SHTN1: variants seen among roughly 807,000 people sequenced by gnomAD.
SHTN1 encodes the protein shootin-1.
A neutral mutation model predicts 83.1 loss-of-function variants in SHTN1; 42 were observed. The ratio of observed to expected loss-of-function variants is 0.51; its 90% CI spans 0.39 to 0.65. The LOEUF (loss-of-function observed/expected upper bound fraction) is 0.65. Among genes scored for constraint, SHTN1 ranks in the 30% least tolerant of loss-of-function variants. The pLI is 0.00. For synonymous variants in SHTN1, 224 were observed against 247.7 expected (o/e 0.90, Z 0.90); for missense variants, 622 against 737.8 (o/e 0.84, Z 1.82).
chr10:116,893,349 C>T (rs1028594863), intron 16 of SHTN1, among the ~76,000 whole-genome samples: 1 of 152,142 alleles, frequency 6.6e-6, no homozygotes, highest in Non-Finnish European at 1.5e-5. Context: ...ACCTTTGTAG[C>T]AGCGCTTTGC....
In SHTN1 at chr10:117,073,994, G is replaced by C. The variant is rs189029531; in HGVS notation, c.-188-25484C>G. Among the ~76,000 whole-genome samples the C allele has an allele frequency of 1.2e-3, 184 of 152,232 alleles. 1 individual carries two copies. Among genetic ancestry groups the C allele is most frequent in the Non-Finnish European group, 1.1e-3 (77 of 68,018 alleles). The stretch of plus-strand genomic sequence containing the variant: ...AATATATGAGACTTTTTTGAATGGG[G>C]CAGGGGCAGAGGCAGCACTAGGTGT... On this transcript the variant is annotated intron_variant, in intron 1 of 17. Coordinates refer to the SHTN1 transcript ENST00000392901.
chr10:116,998,024 G>A (rs1015984415), intron 1 of SHTN1, among the ~76,000 whole-genome samples: 3 of 152,122 alleles, frequency 2.0e-5, no homozygotes, highest in East Asian at 1.9e-4. Flanking sequence ...CCTGGGAGGC[G>A]GAGCTTGCAG....
chr10:117,098,653 G>A (rs1267247902), intron 1 of SHTN1, among the ~76,000 whole-genome samples: 1 of 152,006 alleles, frequency 6.6e-6, no homozygotes, highest in Non-Finnish European at 1.5e-5. Context: ...TATGAGCATC[G>A]AACATGATCA....
chr10:116,981,447 G>A (rs117888403), intron 1 of SHTN1, among the ~76,000 whole-genome samples: 4,932 of 152,204 alleles, frequency 0.032, 99 homozygotes, highest in Non-Finnish European at 0.047. Flanking sequence ...AAACTAAATT[G>A]TCTTTGGAGC....
At chr10:116,955,952 T>C (rs954825037) in intron 4 of SHTN1, among the ~76,000 whole-genome samples, 2 of 152,172 alleles carry the variant, frequency 1.3e-5, no homozygotes, top group East Asian at 1.9e-4. Flanking sequence ...AAAATTCAGA[T>C]AAAAACTGTT....
chr10:117,070,643 G>A (rs1021289757), intron 1 of SHTN1, among the ~76,000 whole-genome samples: 2 of 151,358 alleles, frequency 1.3e-5, no homozygotes, highest in African/African-American at 2.4e-5. Context: ...GAAGAAGCAC[G>A]CAGGGCTACT....
At chr10:116,971,593 C>A (rs1284127000) in intron 2 of SHTN1, among the ~76,000 whole-genome samples, 7 of 152,166 alleles carry the variant, frequency 4.6e-5, no homozygotes, top group Non-Finnish European at 8.8e-5. Context: ...ACCAGTCTGT[C>A]TACCTTCCTC....
At chr10:116,931,162 C>T (rs577388649) in intron 9 of SHTN1, among the ~76,000 whole-genome samples, 28 of 146,742 alleles carry the variant, frequency 1.9e-4, no homozygotes, top group East Asian at 1.2e-3. Flanking sequence ...GAAAGGCTTT[C>T]GATTCAGTAA....
rs1417621744 is a variant in SHTN1 at position 116,906,664 on chromosome 10, C to A, written c.1443G>T (p.Leu481Phe). 2.5e-6 allele frequency: 4 copies of A among 1,613,412 alleles called. No individual in the cohort carries two copies. Among genetic ancestry groups the A allele is most frequent in the Non-Finnish European group, 2.5e-6 (3 of 1,179,636 alleles). The change falls in exon 15 of 17, where the codon TTG (leucine) becomes TTT (phenylalanine). Residue 481 changes from leucine (L) to phenylalanine (F), a missense_variant. This residue lies in a region of SHTN1 where 231 missense variants were observed against 251.6 expected (regional missense o/e 0.92). Transcript: ENST00000355371. ...ENSETELERI[L>F]RRRKVTAEAD... ...CTTCTGCTGTCACCTTTCTGCGACG[C>A]AAAATCCTTTCTAACTCAGTTTCAC... is the stretch of plus-strand genomic sequence containing the variant.
chr10:117,039,733 G>T (rs751963860), intron 2 of SHTN1, among the ~76,000 whole-genome samples: 1 of 151,680 alleles, frequency 6.6e-6, no homozygotes, highest in African/African-American at 2.4e-5. Flanking sequence ...GGCACCTGTA[G>T]TCCCAGCTAC....
At chr10:116,988,182 G>A (rs1851289932) in intron 1 of SHTN1, among the ~76,000 whole-genome samples, 1 of 152,040 alleles carries the variant, frequency 6.6e-6, no homozygotes, top group Admixed American at 6.6e-5. Context: ...AAAGCAAGAT[G>A]TTAATAATAG....
intron 1 of SHTN1, among the ~76,000 whole-genome samples, chr10:117,095,913 G>A (rs1450778505): frequency 3.3e-5 from 5 of 152,176 alleles, no homozygotes; most frequent in Non-Finnish European, 7.3e-5. Context: ...AGAAGGTTCA[G>A]TATCAAATGG....
rs1169777777 is a variant in SHTN1 at position 116,942,360 on chromosome 10, C to CT, written c.712-1749dup. On this transcript the variant is annotated intron_variant, in intron 8 of 16. Transcript: ENST00000355371. ...CCCAAGTAGCTGGGACTACAGGTGC[C>CT]TGCCACCATGCCTGGCTAATCTGTG... Among the ~76,000 whole-genome samples the CT allele has an allele frequency of 3.3e-5, 5 of 152,112 alleles. No individual in the cohort carries two copies. In the East Asian group the frequency reaches 9.7e-4, roughly 30 times the overall value.
In SHTN1 at chr10:116,944,957, G is replaced by T; in HGVS notation, c.678C>A (p.Asp226Glu). The change falls in exon 8 of 17, where the codon GAC becomes GAA. Residue 226 changes from aspartate to glutamate, a missense_variant. Transcript: ENST00000355371. ...EMQVNLELEK[D>E]LRKKAESFAQ... Reference sequence around the variant, plus strand: ...CAAATGACTCTGCTTTCTTTCGAAGGTCCTTCTCCAGCTCCAGGTTTACTT... The same window carrying T: ...CAAATGACTCTGCTTTCTTTCGAAGTTCCTTCTCCAGCTCCAGGTTTACTT... 1 of 1,611,262 alleles carries T rather than the reference G, an allele frequency of 6.2e-7. No homozygotes were observed. The highest frequency in any genetic ancestry group is 8.5e-7 in the Non-Finnish European group (1 of 1,177,610).
chr10:117,097,276 C>T (rs935635817), intron 1 of SHTN1, among the ~76,000 whole-genome samples: 8 of 152,170 alleles, frequency 5.3e-5, no homozygotes, highest in African/African-American at 1.7e-4. Context: ...ACAGACTCTG[C>T]CAGAATGTAT....
intron 16 of SHTN1, among the ~76,000 whole-genome samples, chr10:116,899,578 G>C (rs1302688189): frequency 1.3e-5 from 2 of 149,526 alleles, no homozygotes; most frequent in East Asian, 3.9e-4. Flanking sequence ...TGTTGGGACA[G>C]TAATGTCTGT....
rs1170025052 is a variant in SHTN1 at position 116,885,474 on chromosome 10, TG to T, written c.*869del. 2 of 152,602 alleles carry T rather than the reference TG, an allele frequency of 1.3e-5. No homozygotes were observed. The highest frequency in any genetic ancestry group is 2.9e-5 in the Non-Finnish European group (2 of 68,020). The allele number at this position is 152,602 out of a possible 1,614,324, so 9.5% of individuals were successfully genotyped here. On this transcript the variant is annotated 3_prime_UTR_variant, in exon 17 of 17. Coordinates refer to ENST00000355371, the MANE Select transcript of SHTN1 (RefSeq NM_001127211.3). Reference sequence around the variant, plus strand: ...TTTAAAAAAAACAACAACAAACCTGTGTAATATAGAACAGCAGTGAAGCAAG... The same window carrying T: ...TTTAAAAAAAACAACAACAAACCTGTTAATATAGAACAGCAGTGAAGCAAG...
chr10:116,955,184 T>C (rs972763190), intron 4 of SHTN1, among the ~76,000 whole-genome samples: 1 of 152,060 alleles, frequency 6.6e-6, no homozygotes, highest in Non-Finnish European at 1.5e-5. Context: ...TTTTTTAACT[T>C]CAGTTATTCA....
chr10:116,886,444 T>C lies in SHTN1; in HGVS notation c.1796A>G (p.Lys599Arg). The change falls in exon 17 of 17, where the codon AAA becomes AGA. Residue 599 changes from lysine (K) to arginine (R), a missense_variant. Around this residue, in one of 3 missense-constraint regions of SHTN1, gnomAD observed 231 missense variants for 251.6 expected, o/e 0.92. Transcript: ENST00000355371. ...ATCCTCCTTGTGTTGAGTTGGATCT[T>C]TTTCAGCAACCTGGTCTTTGGTTTG... ...EPQTKDQVAEKDPTQHKEDEG... is the reference protein window; with the variant it reads ...EPQTKDQVAERDPTQHKEDEG... 5.0e-6 allele frequency: 8 copies of C among 1,612,674 alleles called. No homozygotes were observed. Among genetic ancestry groups the C allele is most frequent in the Non-Finnish European group, 5.9e-6 (7 of 1,179,116 alleles).
Sources: allele counts gnomAD v4.1 joint callset (sites outside exome capture counted in the v4.1 genomes callset), GRCh38; gene constraint gnomAD v4.1.1; regional missense constraint gnomAD v4.1.1; transcripts MANE v1.5; gene names NCBI Gene and HGNC (gene_info 2026-07-23, HGNC 2026-07-21).